Variants in TMEM170A observed in about 807,000 individuals in gnomAD.
TMEM170A encodes transmembrane protein 170A, also known as transmembrane protein 170.
Under a neutral mutation model 12.8 loss-of-function variants are expected in TMEM170A, and 18 were observed. That is an observed-to-expected ratio of 1.41 (90% CI 0.97 to 2.09). TMEM170A has a LOEUF of 2.09. Among genes scored for constraint, TMEM170A ranks in the 30% most tolerant of loss-of-function variants. TMEM170A has a pLI of 0.00. For synonymous variants in TMEM170A, 107 were observed against 76.2 expected (o/e 1.40, Z -2.11); for missense variants, 220 against 179.9 (o/e 1.22, Z -1.28).
intron 1 of TMEM170A, among the ~76,000 whole-genome samples, chr16:75,460,868 T>A (rs1348866770): frequency 6.6e-6 from 1 of 152,152 alleles, no homozygotes; most frequent in Non-Finnish European, 1.5e-5. Context: ...CACAAAAACA[T>A]TACTGGGTTT....
chr16:75,449,442 G>A (rs1437933839), intron 2 of TMEM170A, among the ~76,000 whole-genome samples: 1 of 151,658 alleles, frequency 6.6e-6, no homozygotes, highest in African/African-American at 2.4e-5. Context: ...ATCCTCCCGA[G>A]CAGCTGGGAC....
chr16:75,463,660 G>A (rs1460390407), intron 1 of TMEM170A, among the ~76,000 whole-genome samples: 1 of 152,244 alleles, frequency 6.6e-6, no homozygotes, highest in Non-Finnish European at 1.5e-5. Context: ...ACGGGCTCTA[G>A]TCTTCTTGCC....
At chr16:75,462,514 T>C (rs891330434) in intron 1 of TMEM170A, among the ~76,000 whole-genome samples, 3 of 152,258 alleles carry the variant, frequency 2.0e-5, no homozygotes, top group Non-Finnish European at 4.4e-5. Flanking sequence ...AGGCTGACAT[T>C]CAGTGTCTCT....
chr16:75,451,280 T>C (rs948240135), intron 2 of TMEM170A, among the ~76,000 whole-genome samples: 1 of 152,020 alleles, frequency 6.6e-6, no homozygotes. Context: ...CCAGGCACAG[T>C]GGCTCACGCC....
In TMEM170A at chr16:75,447,393, T is replaced by C. The variant is rs1347774718; in HGVS notation, c.*165A>G. 7 of 692,930 alleles carry C rather than the reference T, an allele frequency of 1.0e-5. No individual in the cohort carries two copies. The highest frequency in any genetic ancestry group is 1.3e-5 in the Non-Finnish European group (6 of 472,932). The allele number at this position is 692,930 out of a possible 1,614,324, so 42.9% of individuals were successfully genotyped here. On this transcript the variant is annotated 3_prime_UTR_variant, in exon 3 of 3. Coordinates refer to ENST00000561878, the MANE Select transcript of TMEM170A (RefSeq NM_145254.3). ...AGGAGTCCACATAAGTCTTCAATTCTAGGAGCTTCAAAATGAAGAAAAGGC... is the reference window on the plus strand; with the variant it reads ...AGGAGTCCACATAAGTCTTCAATTCCAGGAGCTTCAAAATGAAGAAAAGGC...
At chr16:75,451,375 G>C (rs569603938) in intron 2 of TMEM170A, 70 of 507,630 alleles carry the variant, frequency 1.4e-4, no homozygotes, top group Non-Finnish European at 2.2e-4. Flanking sequence ...ACGAAACCCT[G>C]TCTCTACAAA....
chr16:75,458,649 A>T (rs568312682), intron 1 of TMEM170A: 1 of 152,296 alleles, frequency 6.6e-6, no homozygotes, highest in South Asian at 2.1e-4. Flanking sequence ...CACACACCCA[A>T]TTTGGACTTC....
chr16:75,451,925 C>A, intron 1 of TMEM170A, 86 bp from the exon 2 acceptor site: 1 of 1,162,314 alleles, frequency 8.6e-7, no homozygotes, highest in Non-Finnish European at 1.2e-6. Flanking sequence ...CCCGTCATTT[C>A]ATTTTCAACA....
chr16:75,462,518 T>G (rs1428997311), intron 1 of TMEM170A, among the ~76,000 whole-genome samples: 1 of 152,240 alleles, frequency 6.6e-6, no homozygotes, highest in Non-Finnish European at 1.5e-5. Flanking sequence ...TGACATTCAG[T>G]GTCTCTTGAT....
chr16:75,459,582 C>T lies in TMEM170A; in HGVS notation c.133+4886G>A, dbSNP rs563287914. Among the ~76,000 whole-genome samples the T allele has an allele frequency of 3.3e-5, 5 of 152,194 alleles. No individual in the cohort carries two copies. The South Asian group carries it at 8.3e-4, about 25-fold the overall frequency. ...ACACTCTTATGTAGTCTTGGCAGGGCGTGGTGGCTGACACCTGTAATCCCA... is the reference window on the plus strand; with the variant it reads ...ACACTCTTATGTAGTCTTGGCAGGGTGTGGTGGCTGACACCTGTAATCCCA... On this transcript the variant is annotated intron_variant, in intron 1 of 2. Coordinates refer to ENST00000561878, the MANE Select transcript of TMEM170A (RefSeq NM_145254.3).
In TMEM170A at chr16:75,451,843, T is replaced by C. The variant is rs1227690660; in HGVS notation, c.134-4A>G. ...AGGAATACACCATACCACATCTCTA[T>C]GAGGGAAGACAAAGAAAAGTTGTGA... On this transcript the variant is annotated splice_region_variant and splice_polypyrimidine_tract_variant and intron_variant, in intron 1 of 2. Coordinates refer to ENST00000561878, the MANE Select transcript of TMEM170A (RefSeq NM_145254.3). 6.2e-7 allele frequency: 1 copy of C among 1,605,896 alleles called. No homozygotes were observed. Among genetic ancestry groups the C allele is most frequent in the Admixed American group, 1.7e-5 (1 of 58,382 alleles).
chr16:75,452,436 T>C (rs72787185), intron 1 of TMEM170A, among the ~76,000 whole-genome samples: 8,868 of 152,004 alleles, frequency 0.058, 298 homozygotes, highest in Middle Eastern at 0.13. Context: ...CCTGGCAAAA[T>C]TCTTTTTTTT....
In TMEM170A at chr16:75,464,522, G is replaced by C; in HGVS notation, c.79C>G (p.Arg27Gly). 5.7e-6 allele frequency: 9 copies of C among 1,585,620 alleles called. No individual in the cohort carries two copies. Among genetic ancestry groups the C allele is most frequent in the Non-Finnish European group, 7.7e-6 (9 of 1,168,602 alleles). ...QQILSLKVVP[R>G]VGNGTLCPNS... ...GGGCACAGGGTCCCGTTGCCCACCC[G>C]CGGCACAACCTTCAGGCTCAGGATC... is the stretch of plus-strand genomic sequence containing the variant. Residue 27 changes from arginine to glycine, a missense_variant, in exon 1 of 3, where the codon CGG becomes GGG. Coordinates refer to ENST00000561878, the MANE Select transcript of TMEM170A (RefSeq NM_145254.3).
chr16:75,460,176 T>A (rs2079877385), intron 1 of TMEM170A, among the ~76,000 whole-genome samples: 1 of 152,206 alleles, frequency 6.6e-6, no homozygotes, highest in Admixed American at 6.5e-5. Flanking sequence ...GGGCCTTCCA[T>A]CTACTCTCCA....
chr16:75,458,808 T>C (rs8057084), intron 1 of TMEM170A: 2 of 152,040 alleles, frequency 1.3e-5, no homozygotes, highest in Non-Finnish European at 2.9e-5. Context: ...TCATTCTATA[T>C]GCTGACATAT....
rs979253392 is a variant in TMEM170A, at chr16:75,447,198, C to T, written c.*360G>A. ...ATTTGAAATAAACCAGTATCTTCCA[C>T]GGTTTCTTCAAAATATGCGACATCT... is the stretch of plus-strand genomic sequence containing the variant. On this transcript the variant is annotated 3_prime_UTR_variant, in exon 3 of 3. Coordinates refer to ENST00000561878, the MANE Select transcript of TMEM170A (RefSeq NM_145254.3). The T allele has an allele frequency of 1.3e-5, 2 of 159,756 alleles. No individual in the cohort carries two copies. The highest frequency in any genetic ancestry group is 4.8e-5 in the African/African-American group (2 of 41,742). The allele number at this position is 159,756 out of a possible 1,614,324, so 9.9% of individuals were successfully genotyped here.
At chr16:75,451,871 C>T (rs370840681) in intron 1 of TMEM170A, 32 bp from the exon 2 acceptor site, 10 of 1,571,656 alleles carry the variant, frequency 6.4e-6, no homozygotes, top group Non-Finnish European at 8.7e-6. Flanking sequence ...AGTTGTGAAT[C>T]ACTGCCCTTC....
At chr16:75,455,199 T>C (rs946787046) in intron 1 of TMEM170A, among the ~76,000 whole-genome samples, 1 of 151,740 alleles carries the variant, frequency 6.6e-6, no homozygotes, top group Non-Finnish European at 1.5e-5. Flanking sequence ...CTACTAAAAA[T>C]ACAAAGAATT....
At chr16:75,455,282 G>C (rs1023985384) in intron 1 of TMEM170A, among the ~76,000 whole-genome samples, 1 of 151,270 alleles carries the variant, frequency 6.6e-6, no homozygotes, top group Non-Finnish European at 1.5e-5. Flanking sequence ...GTGTGAACTC[G>C]GGAGGCGGAG....
Sources: gnomAD v4.1 joint callset for allele counts (sites outside exome capture counted in the v4.1 genomes callset) on GRCh38, gnomAD v4.1.1 for gene constraint, MANE v1.5 for transcripts, NCBI Gene and HGNC (gene_info 2026-07-23, HGNC 2026-07-21) for gene names.